The following CAPRIN1 variants were observed in gnomAD, a reference collection of about 807,000 sequenced individuals.
The protein encoded by CAPRIN1 is cell cycle associated protein 1.
A neutral mutation model predicts 100.9 loss-of-function variants in CAPRIN1; 29 were observed. The observed-to-expected ratio is 0.29, with a 90% CI of 0.21 to 0.39. CAPRIN1 has a LOEUF of 0.39. Among genes scored for constraint, CAPRIN1 ranks in the 10% least tolerant of loss-of-function variants. CAPRIN1 has a pLI of 1.00. For synonymous variants in CAPRIN1, 338 were observed against 307.5 expected, an observed-to-expected ratio of 1.10 and a Z score of -1.04; for missense variants, 795 against 876.7, an observed-to-expected ratio of 0.91 and a Z score of 1.18.
chr11:34,085,365 T>C (rs988022265), intron 9 of CAPRIN1, among the ~76,000 whole-genome samples: 85 of 152,196 alleles, frequency 5.6e-4, no homozygotes, highest in African/African-American at 2.0e-3. Context: ...TAACATTTCT[T>C]GAGTGCTATG....
chr11:34,073,107 A>G (rs902417691), intron 4 of CAPRIN1, among the ~76,000 whole-genome samples: 2 of 122,766 alleles, frequency 1.6e-5, no homozygotes, highest in African/African-American at 6.7e-5. Flanking sequence ...ATGTGTGACT[A>G]TGTAAAGTTG....
chr11:34,076,123 G>C (rs1285344845), intron 4 of CAPRIN1, 113 bp from the exon 5 acceptor site: 2 of 671,580 alleles, frequency 3.0e-6, no homozygotes, highest in African/African-American at 3.6e-5. Flanking sequence ...TGTGTATTGA[G>C]GTCATATCTC....
chr11:34,071,906 C>T lies in CAPRIN1; in HGVS notation c.285C>T (p.Ala95=), dbSNP rs533592988. 1.2e-4 allele frequency: 186 copies of T among 1,611,532 alleles called. 1 individual carries two copies. The South Asian group carries it at 1.6e-3, about 14-fold the overall frequency. ...GERLNQDQLD[A]VSKYQEVTNN... is the part of the protein sequence containing the mutation. ...TGGGTTCTTTGTCATTTTAGGATGC[C>T]GTTTCTAAGTACCAGGAAGTCACAA... Residue 95 remains alanine (A), a synonymous_variant, in exon 4 of 19, where the codon GCC becomes GCT. Transcript: ENST00000341394.
intron 4 of CAPRIN1, among the ~76,000 whole-genome samples, chr11:34,075,805 T>G (rs1315651393): frequency 6.6e-6 from 1 of 152,230 alleles, no homozygotes; most frequent in Non-Finnish European, 1.5e-5. Context: ...TTTTACTTTT[T>G]ATATGCATAA....
intron 2 of CAPRIN1, among the ~76,000 whole-genome samples, chr11:34,056,254 T>C (rs1850448431): frequency 6.6e-6 from 1 of 152,156 alleles, no homozygotes; most frequent in African/African-American, 2.4e-5. Flanking sequence ...GATTTTAAAA[T>C]CAAATATCCT....
At chr11:34,099,199 G>C (rs577576547) in intron 18 of CAPRIN1, 104 bp from the exon 19 acceptor site, 1 of 1,539,698 alleles carries the variant, frequency 6.5e-7, no homozygotes, top group East Asian at 2.4e-5. Flanking sequence ...CTAATAATGT[G>C]GTGACAGGCT....
rs534676695 is a variant in CAPRIN1, at chr11:34,090,039, A to AGAGAGAT, written c.1294-138_1294-132dup. On this transcript the variant is annotated intron_variant, in intron 12 of 18. Transcript: ENST00000341394. ...TAGGTTTTATATTATACAAATTTAAAGAGAGATGGTAATATTAATTTCTCC... is the reference window on the plus strand; with the variant it reads ...TAGGTTTTATATTATACAAATTTAAAGAGAGATGAGAGATGGTAATATTAATTTCTCC... 568 of 495,832 alleles carry AGAGAGAT rather than the reference A, an allele frequency of 1.1e-3. 11 individuals carry two copies. The South Asian group carries it at 0.018, about 16-fold the overall frequency. 30.7% of individuals were successfully genotyped at this position (495,832 alleles called of 1,614,324 possible). A position where few individuals can be genotyped will look rare whatever the true frequency, so the allele number is the denominator to read the frequency against.
At chr11:34,068,653 C>T (rs1220483903) in intron 2 of CAPRIN1, among the ~76,000 whole-genome samples, 2 of 152,138 alleles carry the variant, frequency 1.3e-5, no homozygotes, top group African/African-American at 4.8e-5. Context: ...AGTATCTTTT[C>T]TGTTGCGTGG....
chr11:34,084,381 G>T (rs1479641416), intron 9 of CAPRIN1, among the ~76,000 whole-genome samples: 1 of 152,170 alleles, frequency 6.6e-6, no homozygotes, highest in Non-Finnish European at 1.5e-5. Flanking sequence ...TGCTCAGGAA[G>T]TCCCAACAAA....
intron 15 of CAPRIN1, among the ~76,000 whole-genome samples, chr11:34,093,701 C>A (rs1851307811): frequency 6.6e-6 from 1 of 152,080 alleles, no homozygotes; most frequent in Admixed American, 6.6e-5. Flanking sequence ...GTGGTGTGAT[C>A]ACCATGGCTC....
chr11:34,068,386 G>A (rs187818842), intron 2 of CAPRIN1, among the ~76,000 whole-genome samples: 1 of 152,338 alleles, frequency 6.6e-6, no homozygotes, highest in East Asian at 1.9e-4. Flanking sequence ...AGGGGAAGTA[G>A]ACTAGTTGTT....
Position 34,079,783 on chromosome 11 carries a change from A to G in CAPRIN1, c.826+18A>G. Reference sequence around the variant, plus strand: ...TGAAGCTGGTGAGTATTAGGTGGATATCAACTTTAGTTTAGGGTCCTGGTT... The same window carrying G: ...TGAAGCTGGTGAGTATTAGGTGGATGTCAACTTTAGTTTAGGGTCCTGGTT... On this transcript the variant is annotated intron_variant, in intron 7 of 18. Transcript: ENST00000341394. The G allele has an allele frequency of 6.2e-7, 1 of 1,603,654 alleles. No homozygotes were observed. The highest frequency in any genetic ancestry group is 8.5e-7 in the Non-Finnish European group (1 of 1,175,424).
intron 2 of CAPRIN1, among the ~76,000 whole-genome samples, chr11:34,059,633 C>T (rs987503808): frequency 2.0e-5 from 3 of 152,132 alleles, no homozygotes; most frequent in Admixed American, 6.5e-5. Context: ...TACTTTGCTG[C>T]GCTTTCTCAC....
intron 15 of CAPRIN1, among the ~76,000 whole-genome samples, chr11:34,094,194 AGT>A (rs1437887802): frequency 6.6e-6 from 1 of 151,976 alleles, no homozygotes; most frequent in Non-Finnish European, 1.5e-5. Flanking sequence ...TGTCCAGTGC[AGT>A]GATGCAGTCT....
intron 4 of CAPRIN1, among the ~76,000 whole-genome samples, chr11:34,073,408 A>T (rs1044906570): frequency 1.3e-5 from 2 of 152,186 alleles, no homozygotes; most frequent in Non-Finnish European, 2.9e-5. Context: ...TGTGCTTAGA[A>T]CAGTATTTGA....
At chr11:34,076,495 T>C in intron 5 of CAPRIN1, 21 bp downstream of exon 5, 1 of 1,608,732 alleles carries the variant, frequency 6.2e-7, no homozygotes, top group Middle Eastern at 1.7e-4. Flanking sequence ...TATTTGATAA[T>C]AGAAACTTCT....
Position 34,089,378 on chromosome 11 carries a change from T to C in CAPRIN1, c.1232-17T>C. ...ATTTAATTTTGTTTGACAAAAATGT[T>C]TTGGTCACCTTTGCAGTTCATTCTG... is the stretch of plus-strand genomic sequence containing the variant. On this transcript the variant is annotated splice_polypyrimidine_tract_variant and intron_variant, in intron 11 of 18. Transcript: ENST00000341394. The C allele has an allele frequency of 6.4e-7, 1 of 1,567,756 alleles. No homozygotes were observed. The highest frequency in any genetic ancestry group is 8.7e-7 in the Non-Finnish European group (1 of 1,149,716).
At chr11:34,054,387 A>T (rs1850404573) in intron 2 of CAPRIN1, among the ~76,000 whole-genome samples, 1 of 152,130 alleles carries the variant, frequency 6.6e-6, no homozygotes, top group African/African-American at 2.4e-5. Flanking sequence ...GTATCTTCTG[A>T]GTCTGACACA....
At chr11:34,066,007 A>C (rs932771240) in intron 2 of CAPRIN1, among the ~76,000 whole-genome samples, 1 of 151,916 alleles carries the variant, frequency 6.6e-6, no homozygotes, top group Non-Finnish European at 1.5e-5. Flanking sequence ...TTTTGATCTC[A>C]CTCTTGGTCA....
Sources: gnomAD v4.1 joint callset for allele counts (sites outside exome capture counted in the v4.1 genomes callset) on GRCh38, gnomAD v4.1.1 for gene constraint, MANE v1.5 for transcripts, NCBI Gene and HGNC (gene_info 2026-07-23, HGNC 2026-07-21) for gene names.